Variants in SMYD3 observed in about 807,000 individuals in gnomAD.
The protein encoded by SMYD3 is histone-lysine N-methyltransferase SMYD3.
Under a neutral mutation model 57.7 loss-of-function variants are expected in SMYD3, and 36 were observed. The ratio of observed to expected loss-of-function variants is 0.62; its 90% CI spans 0.48 to 0.82. The LOEUF is 0.82. Among genes scored for constraint, SMYD3 ranks in the 40% least tolerant of loss-of-function variants. The pLI, the probability that SMYD3 is intolerant of heterozygous loss-of-function variation, is 0.00. For missense variants in SMYD3, 515 were observed against 538.8 expected (o/e 0.96, Z 0.44); for synonymous variants, 211 against 195.0 (o/e 1.08, Z -0.68).
chr1:246,229,890 G>A (rs531172752), intron 5 of SMYD3, among the ~76,000 whole-genome samples: 26 of 152,224 alleles, frequency 1.7e-4, no homozygotes, highest in African/African-American at 6.0e-4. Context: ...TCAGAAAATG[G>A]CAAGATACTA....
At chr1:246,399,155 G>T (rs1249679449) in intron 1 of SMYD3, among the ~76,000 whole-genome samples, 2 of 151,954 alleles carry the variant, frequency 1.3e-5, no homozygotes, top group African/African-American at 4.8e-5. Context: ...ACAAGTAGCT[G>T]GGACTACAGG....
intron 1 of SMYD3, among the ~76,000 whole-genome samples, chr1:246,494,482 C>G (rs986417518): frequency 6.6e-6 from 1 of 152,090 alleles, no homozygotes; most frequent in Non-Finnish European, 1.5e-5. Flanking sequence ...TTTTTAAATT[C>G]CACAGGTAAA....
chr1:245,927,983 T>C lies in SMYD3; in HGVS notation c.650A>G (p.Asn217Ser), dbSNP rs1214851067. The change falls in exon 7 of 12, where the codon AAT (asparagine) becomes AGT (serine). Residue 217 changes from asparagine to serine, a missense_variant. Transcript: ENST00000490107. The part of the protein sequence containing the change: ...SCDPNCSIVF[N>S]GPHLLLRAVR... Reference sequence around the variant, plus strand: ...TGCTCGCAGTAAGAGGTGGGGCCCATTGAACACAATCGAACAGTTGGGGTC... The same window carrying C: ...TGCTCGCAGTAAGAGGTGGGGCCCACTGAACACAATCGAACAGTTGGGGTC... 7.4e-6 allele frequency: 12 copies of C among 1,612,776 alleles called. No individual in the cohort carries two copies. The highest frequency in any genetic ancestry group is 4.4e-5 in the South Asian group (4 of 91,052).
At chr1:245,818,676 C>T (rs1379023365) in intron 10 of SMYD3, among the ~76,000 whole-genome samples, 1 of 151,266 alleles carries the variant, frequency 6.6e-6, no homozygotes. Context: ...CACACATAGG[C>T]TCAAAATAAA....
At chr1:245,848,555 C>T (rs1004090525) in intron 10 of SMYD3, among the ~76,000 whole-genome samples, 2 of 151,956 alleles carry the variant, frequency 1.3e-5, no homozygotes, top group South Asian at 2.1e-4. Flanking sequence ...ACTACAGGCA[C>T]CAACCACCAC....
At chr1:245,915,381 T>C (rs1558489456) in intron 8 of SMYD3, 149 bp downstream of exon 8, 2 of 473,488 alleles carry the variant, frequency 4.2e-6, no homozygotes, top group Non-Finnish European at 7.5e-6. Context: ...AAACAAAATA[T>C]ATGCAGTTCA....
intron 5 of SMYD3, among the ~76,000 whole-genome samples, chr1:246,243,276 C>T (rs2063645702): frequency 6.6e-6 from 1 of 151,406 alleles, no homozygotes; most frequent in Non-Finnish European, 1.5e-5. Context: ...CCAGTTCCTG[C>T]ATGTTTTGTC....
intron 5 of SMYD3, among the ~76,000 whole-genome samples, chr1:245,949,581 G>A (rs776167515): frequency 2.0e-5 from 3 of 152,166 alleles, no homozygotes; most frequent in Non-Finnish European, 4.4e-5. Context: ...AGGCCAAGGC[G>A]GTGGATCACT....
At chr1:246,218,946 C>T (rs186591929) in intron 5 of SMYD3, among the ~76,000 whole-genome samples, 2 of 152,218 alleles carry the variant, frequency 1.3e-5, no homozygotes, top group East Asian at 3.9e-4. Flanking sequence ...CAATTCTGTC[C>T]CCTTTCCAGG....
chr1:246,126,724 T>C (rs2061515063), intron 5 of SMYD3, among the ~76,000 whole-genome samples: 2 of 152,328 alleles, frequency 1.3e-5, no homozygotes, highest in Non-Finnish European at 2.9e-5. Flanking sequence ...CAATACTCAG[T>C]TGAATGTTGT....
At chr1:246,169,645 G>C (rs760601917) in intron 5 of SMYD3, among the ~76,000 whole-genome samples, 1 of 151,920 alleles carries the variant, frequency 6.6e-6, no homozygotes, top group Non-Finnish European at 1.5e-5. Flanking sequence ...GCGGTGGCTC[G>C]GGCCTGTAAT....
intron 5 of SMYD3, among the ~76,000 whole-genome samples, chr1:246,116,000 G>A (rs893488476): frequency 9.2e-5 from 14 of 152,088 alleles, no homozygotes; most frequent in African/African-American, 3.1e-4. Context: ...TTAGCTGGGC[G>A]TGGTGGCACA....
intron 2 of SMYD3, among the ~76,000 whole-genome samples, chr1:246,353,123 A>T (rs909590894): frequency 6.6e-6 from 1 of 152,240 alleles, no homozygotes; most frequent in African/African-American, 2.4e-5. Context: ...TCTTGTTGGT[A>T]ACAATCTTAC....
chr1:245,863,904 G>A lies in SMYD3; in HGVS notation c.814-18C>T, dbSNP rs766837255. ...TCAGCATCCTGCTCAGGCCAGAAAA[G>A]GAAGACAAATAATCTAATTAGTAAT... is the stretch of plus-strand genomic sequence containing the variant. On this transcript the variant is annotated intron_variant, in intron 8 of 11. Coordinates refer to ENST00000490107, the MANE Select transcript of SMYD3 (RefSeq NM_001167740.2). The A allele has an allele frequency of 4.3e-6, 7 of 1,611,458 alleles. No individual in the cohort carries two copies. Among genetic ancestry groups the A allele is most frequent in the Non-Finnish European group, 5.9e-6 (7 of 1,177,680 alleles).
intron 11 of SMYD3, among the ~76,000 whole-genome samples, chr1:245,754,299 G>A (rs1225918763): frequency 2.0e-5 from 3 of 151,736 alleles, no homozygotes; most frequent in African/African-American, 7.3e-5. Flanking sequence ...ATCTCAAACA[G>A]TTTCTACCAT....
chr1:245,925,687 C>T (rs1311997455), intron 7 of SMYD3, among the ~76,000 whole-genome samples: 1 of 152,128 alleles, frequency 6.6e-6, no homozygotes, highest in Non-Finnish European at 1.5e-5. Flanking sequence ...GTCGATTCAA[C>T]AAAAAGTTAT....
intron 1 of SMYD3, among the ~76,000 whole-genome samples, chr1:246,457,255 C>T (rs757541163): frequency 3.3e-5 from 5 of 152,036 alleles, no homozygotes; most frequent in Non-Finnish European, 7.4e-5. Context: ...AATAATAAAT[C>T]TTCTCCCTCA....
intron 5 of SMYD3, among the ~76,000 whole-genome samples, chr1:246,194,461 G>A (rs2062798378): frequency 6.6e-6 from 1 of 152,046 alleles, no homozygotes; most frequent in Non-Finnish European, 1.5e-5. Context: ...TAGAGACAGG[G>A]TTTCACTATA....
intron 5 of SMYD3, among the ~76,000 whole-genome samples, chr1:246,028,365 C>T (rs2059612283): frequency 6.6e-6 from 1 of 152,152 alleles, no homozygotes; most frequent in African/African-American, 2.4e-5. Flanking sequence ...CCAAAAAACT[C>T]TTTGAACTGA....
Sources: gnomAD v4.1 joint callset for allele counts (sites outside exome capture counted in the v4.1 genomes callset) on GRCh38, gnomAD v4.1.1 for gene constraint, MANE v1.5 for transcripts, NCBI Gene and HGNC (gene_info 2026-07-23, HGNC 2026-07-21) for gene names.